Variants in MTERF4 observed in about 807,000 individuals in gnomAD.
MTERF4 encodes the protein transcription termination factor 4, mitochondrial.
In MTERF4, 17 loss-of-function variants were observed where a neutral mutation model predicts 22.5. That is an observed-to-expected ratio of 0.75 (90% CI 0.52 to 1.13). MTERF4 has a LOEUF of 1.13. Ranked by LOEUF, MTERF4 falls within the 50% of genes most tolerant of loss-of-function variation. MTERF4 has a pLI of 0.00. For synonymous variants in MTERF4, 165 were observed against 175.3 expected (o/e 0.94, Z 0.47); for missense variants, 420 against 466.8 (o/e 0.90, Z 0.92).
At chr2:241,063,150 G>A in the MTERF4 span, among the ~76,000 whole-genome samples, 4 of 152,254 alleles carry the variant, frequency 2.6e-5, no homozygotes, top group African/African-American at 9.6e-5. Flanking sequence ...CAGAGAAGGT[G>A]GGCGTCGGAG....
chr2:241,053,102 A>C, the MTERF4 span: 1 of 1,550,086 alleles, frequency 6.5e-7, no homozygotes, highest in African/African-American at 1.4e-5. Context: ...GGCGGTGGGG[A>C]GGGGCCAGGA....
downstream of MTERF4, chr2:241,069,845 C>T (rs10171936): frequency 1.7e-5 from 26 of 1,525,726 alleles, no homozygotes; most frequent in African/African-American, 6.9e-5. This position sits in a 1 kb window ranked among gnomAD's most constrained non-coding sequence, Gnocchi z 4.9. Context: ...AGCCCATGTC[C>T]GGTTCTCAAA....
downstream of MTERF4, chr2:241,093,451 G>A (rs1206965699): frequency 7.3e-6 from 1 of 137,412 alleles, no homozygotes; most frequent in Non-Finnish European, 1.5e-5. Flanking sequence ...TCCAGTGTTA[G>A]CTTAGAAGCC....
chr2:241,072,447 G>A (rs4502400), exon 5 of MTERF4: 35,603 of 356,420 alleles, frequency 0.1, 2,095 homozygotes, highest in East Asian at 0.19. Flanking sequence ...TGAGGCAGGC[G>A]CGACCCTGCC....
downstream of MTERF4, chr2:241,088,049 C>T (rs1026191199): frequency 9.1e-6 from 4 of 438,894 alleles, no homozygotes; most frequent in African/African-American, 2.0e-5. Context: ...CCGTGCTGCT[C>T]GGCCTGTGCA....
the MTERF4 span, among the ~76,000 whole-genome samples, chr2:241,054,159 C>G: frequency 6.6e-6 from 1 of 152,202 alleles, no homozygotes; most frequent in Non-Finnish European, 1.5e-5. Flanking sequence ...TCCTGACTGT[C>G]TTGGAGATGA....
At chr2:241,051,878 A>AG in the MTERF4 span, 2 of 1,522,532 alleles carry the variant, frequency 1.3e-6, no homozygotes, top group Non-Finnish European at 1.8e-6. The surrounding 1 kb of genome is among the most constrained non-coding windows in gnomAD (Gnocchi z 4.7). Flanking sequence ...CCCCAGGGGC[A>AG]GGGGGGAGGG....
At chr2:241,067,535 C>T (rs1194964534), downstream of MTERF4, among the ~76,000 whole-genome samples, 9 of 152,322 alleles carry the variant, frequency 5.9e-5, no homozygotes, top group South Asian at 8.3e-4. Flanking sequence ...TGGCCCACAG[C>T]GGGCTCTGCA....
At chr2:241,071,599 C>A (rs528746195), downstream of MTERF4, 4 of 1,588,384 alleles carry the variant, frequency 2.5e-6, no homozygotes, top group East Asian at 4.5e-5. Flanking sequence ...CGCTGACAGA[C>A]GCTGGCACCA....
At chr2:241,051,641 C>T in the MTERF4 span, 28 of 934,892 alleles carry the variant, frequency 3.0e-5, no homozygotes, top group East Asian at 6.9e-4. The surrounding 1 kb of genome is among the most constrained non-coding windows in gnomAD (Gnocchi z 4.7). Context: ...GTCGAGAAGG[C>T]CCCACCAGCA....
chr2:241,062,983 A>C, the MTERF4 span: 1 of 932,318 alleles, frequency 1.1e-6, no homozygotes, highest in Non-Finnish European at 1.6e-6. Flanking sequence ...TCCCCCGGAC[A>C]GGTCTCTGTC....
downstream of MTERF4, among the ~76,000 whole-genome samples, chr2:241,086,355 C>T (rs2063574742): frequency 2.3e-5 from 1 of 44,350 alleles, no homozygotes; most frequent in Non-Finnish European, 3.9e-5. Context: ...GCATAGTTCC[C>T]TCCTCTTCAG....
At chr2:241,090,468 G>C, downstream of MTERF4, 1 of 1,525,624 alleles carries the variant, frequency 6.6e-7, no homozygotes, top group Non-Finnish European at 8.8e-7. Context: ...ATGATGAAGA[G>C]TATAGTAAAT....
At position 241,096,030 on chromosome 2, in the gene MTERF4, CATT is replaced by C. The variant is rs764584060; in HGVS notation, c.1111_1113del (p.Asn371del). 4.0e-5 allele frequency: 65 copies of C among 1,613,862 alleles called. No individual in the cohort carries two copies. The African/African-American group carries it at 8.5e-4, about 21-fold the overall frequency. ...TCCTCGTCGTCGTCCTCATCCTCAT[CATT>C]GTCCTCCGCCTCGTCGTCGTCCTCA... On this transcript the variant is annotated inframe_deletion, in exon 4 of 4. Coordinates refer to ENST00000391980, the MANE Select transcript of MTERF4 (RefSeq NM_182501.4). This position sits in a 1 kb window ranked among gnomAD's most constrained non-coding sequence, Gnocchi z 5.1.
chr2:241,058,893 T>A, the MTERF4 span, among the ~76,000 whole-genome samples: 2 of 151,346 alleles, frequency 1.3e-5, no homozygotes, highest in African/African-American at 4.9e-5. Context: ...GAGCTTGCAG[T>A]GAGCCAAGAT....
At chr2:241,078,562 C>T (rs56170546) in intron 4 of MTERF4, among the ~76,000 whole-genome samples, 5,316 of 151,620 alleles carry the variant, frequency 0.035, 436 homozygotes, top group African/African-American at 0.12. Flanking sequence ...TACTATGATT[C>T]CATTCATATG....
chr2:241,072,938 C>T, exon 5 of MTERF4: 1 of 379,380 alleles, frequency 2.6e-6, no homozygotes, highest in East Asian at 4.2e-5. Flanking sequence ...GAGAGGAATG[C>T]AGAATTTGAC....
At chr2:241,049,756 T>A in the MTERF4 span, 1 of 1,356,550 alleles carries the variant, frequency 7.4e-7, no homozygotes, top group Non-Finnish European at 1.1e-6. Context: ...CCCGCCAGCC[T>A]CTTGCCGCCC....
At chr2:241,094,177 C>T (rs1242352861), downstream of MTERF4, 9 of 385,764 alleles carry the variant, frequency 2.3e-5, no homozygotes, top group Non-Finnish European at 3.7e-5. This position sits in a 1 kb window ranked among gnomAD's most constrained non-coding sequence, Gnocchi z 4.3. Flanking sequence ...TTCCCCATTG[C>T]GTGTGGGCTG....
Sources: allele counts gnomAD v4.1 joint callset (sites outside exome capture counted in the v4.1 genomes callset), GRCh38; gene constraint gnomAD v4.1.1; non-coding constraint Gnocchi (gnomAD v3.1); transcripts MANE v1.5; gene names NCBI Gene and HGNC (gene_info 2026-07-23, HGNC 2026-07-21).